PLEKHG1: variants seen among roughly 807,000 people sequenced by gnomAD.
The protein encoded by PLEKHG1 is pleckstrin homology domain-containing family G member 1.
PLEKHG1 carries 44 observed loss-of-function variants against 100.8 expected under a neutral mutation model. The ratio of observed to expected loss-of-function variants is 0.44; its 90% confidence interval spans 0.34 to 0.56. The LOEUF (loss-of-function observed/expected upper bound fraction) is 0.56, where lower values mean the gene tolerates loss of function less well. Ranked by LOEUF, PLEKHG1 falls within the 20% of genes least tolerant of loss-of-function variation. The pLI is 0.01. For missense variants in PLEKHG1, 1,545 were observed against 1,720.9 expected, an observed-to-expected ratio of 0.90 and a Z score of 1.81; for synonymous variants, 640 against 662.5, an observed-to-expected ratio of 0.97 and a Z score of 0.52.
intron 10 of PLEKHG1, among the ~76,000 whole-genome samples, chr6:150,814,551 T>C (rs1787742317): frequency 6.6e-6 from 1 of 152,258 alleles, no homozygotes; most frequent in Non-Finnish European, 1.5e-5. Context: ...GTAGTTCTTA[T>C]TCTTCCCATT....
chr6:150,676,859 A>G lies in PLEKHG1; in HGVS notation c.-99+26073A>G, dbSNP rs867690451. Among the ~76,000 whole-genome samples the G allele has an allele frequency of 5.9e-5, 9 of 152,238 alleles. No homozygotes were observed. The Middle Eastern group carries it at 0.014, about 230-fold the overall frequency. ...TCTTCTATGCATACCCTGGGAGTGA[A>G]TGGCAATGCCAGCCCCAAGGTGCCT... On this transcript the variant is annotated intron_variant, in intron 3 of 3. Coordinates refer to the PLEKHG1 transcript ENST00000367326.
chr6:150,684,011 G>A (rs1337851508), intron 3 of PLEKHG1: 1 of 349,382 alleles, frequency 2.9e-6, no homozygotes, highest in Non-Finnish European at 5.6e-6. Context: ...GCAGGTAGAT[G>A]TCCCTGGCCT....
chr6:150,787,310 C>G lies in PLEKHG1; in HGVS notation c.582+851C>G, dbSNP rs982313532. On this transcript the variant is annotated intron_variant, in intron 4 of 15. Coordinates refer to ENST00000358517, the Ensembl canonical transcript of PLEKHG1. ...AAATACAAGGAAAGGATTTGACTTT[C>G]AAAGCTTAAATGACAGTGAGCTCGT... is the stretch of plus-strand genomic sequence containing the variant. 1.1e-4 allele frequency among the ~76,000 whole-genome samples: 17 copies of G among 152,150 alleles called. 1 individual carries two copies. The highest frequency in any genetic ancestry group is 3.9e-4 in the Admixed American group (6 of 15,260).
At chr6:150,757,342 T>G (rs946988625) in intron 2 of PLEKHG1, among the ~76,000 whole-genome samples, 3 of 152,206 alleles carry the variant, frequency 2.0e-5, no homozygotes, top group African/African-American at 4.8e-5. Context: ...GTGTCCTTAT[T>G]TCAAAATTTC....
At chr6:150,803,983 C>T (rs1786860666) in intron 6 of PLEKHG1, among the ~76,000 whole-genome samples, 1 of 149,584 alleles carries the variant, frequency 6.7e-6, no homozygotes, top group Non-Finnish European at 1.5e-5. Flanking sequence ...TATAATATCG[C>T]TATGAAACTC....
At chr6:150,641,218 A>G (rs901985842) in intron 2 of PLEKHG1, among the ~76,000 whole-genome samples, 4 of 152,226 alleles carry the variant, frequency 2.6e-5, no homozygotes, top group African/African-American at 7.2e-5. Flanking sequence ...ATACATATCT[A>G]TATTCTAAAT....
At chr6:150,660,002 G>A (rs952754723) in intron 3 of PLEKHG1, among the ~76,000 whole-genome samples, 5 of 151,828 alleles carry the variant, frequency 3.3e-5, no homozygotes, top group Admixed American at 2.6e-4. Context: ...AAGCTAAGTT[G>A]GTTTCAGATA....
intron 4 of PLEKHG1, among the ~76,000 whole-genome samples, chr6:150,786,717 G>A (rs1785643819): frequency 6.6e-6 from 1 of 151,954 alleles, no homozygotes; most frequent in African/African-American, 2.4e-5. Context: ...TGGGAGGGGA[G>A]AGTCCGGAGT....
chr6:150,629,393 C>T (rs144096136), intron 1 of PLEKHG1, among the ~76,000 whole-genome samples: 1 of 152,230 alleles, frequency 6.6e-6, no homozygotes, highest in African/African-American at 2.4e-5. Context: ...ATTAAGATTT[C>T]CCTATAGCAA....
chr6:150,782,607 A>G (rs562756880), intron 3 of PLEKHG1, among the ~76,000 whole-genome samples: 226 of 152,270 alleles, frequency 1.5e-3, no homozygotes, highest in Non-Finnish European at 2.3e-3. Context: ...TTTTTTTCCT[A>G]TATACTTCAA....
intron 1 of PLEKHG1, among the ~76,000 whole-genome samples, chr6:150,730,593 C>T (rs1392189808): frequency 6.6e-6 from 1 of 152,098 alleles, no homozygotes; most frequent in East Asian, 1.9e-4. Flanking sequence ...ACCGGTACCG[C>T]ACCCCTGTTA....
intron 3 of PLEKHG1, among the ~76,000 whole-genome samples, chr6:150,672,842 C>A (rs1234859221): frequency 1.3e-5 from 2 of 152,196 alleles, no homozygotes; most frequent in Non-Finnish European, 2.9e-5. Context: ...TGCAGGTAGA[C>A]TGAAAGCATG....
At chr6:150,832,273 T>G (rs544027888) in intron 15 of PLEKHG1, 68 bp downstream of exon 16, 1 of 1,312,578 alleles carries the variant, frequency 7.6e-7, no homozygotes, top group East Asian at 2.3e-5. Flanking sequence ...ATTTCAGATG[T>G]CCTTAAAACG....
chr6:150,749,946 C>T (rs888927709), intron 2 of PLEKHG1, among the ~76,000 whole-genome samples: 1 of 151,920 alleles, frequency 6.6e-6, no homozygotes, highest in Non-Finnish European at 1.5e-5. Flanking sequence ...GTGGCAGGTA[C>T]CTGTAGTCCC....
At chr6:150,796,811 C>G (rs1317648870) in intron 5 of PLEKHG1, among the ~76,000 whole-genome samples, 3 of 152,130 alleles carry the variant, frequency 2.0e-5, no homozygotes, top group African/African-American at 2.4e-5. Context: ...GGGTGCATAG[C>G]TGATGAATGG....
intron 5 of PLEKHG1, among the ~76,000 whole-genome samples, chr6:150,799,540 T>C (rs1786564549): frequency 6.6e-6 from 1 of 152,168 alleles, no homozygotes; most frequent in African/African-American, 2.4e-5. Flanking sequence ...GTTCTTACCC[T>C]TGAGCAAGAA....
At chr6:150,701,856 G>A (rs1157541132) in intron 3 of PLEKHG1, among the ~76,000 whole-genome samples, 1 of 152,156 alleles carries the variant, frequency 6.6e-6, no homozygotes, top group African/African-American at 2.4e-5. Context: ...TAATATGAAT[G>A]GGTGTCTTTT....
At chr6:150,672,990 G>A (rs939996856) in intron 3 of PLEKHG1, among the ~76,000 whole-genome samples, 60 of 152,092 alleles carry the variant, frequency 3.9e-4, no homozygotes, top group African/African-American at 1.4e-3. Context: ...ACTGTGTTTG[G>A]CAGTCATGGT....
At position 150,831,823 on chromosome 6, in the gene PLEKHG1, GAGCAGGGCTGGCAGA is replaced by G; in HGVS notation, c.2713_2727del (p.Ser905_Arg909del). 3 of 1,612,340 alleles carry G rather than the reference GAGCAGGGCTGGCAGA, an allele frequency of 1.9e-6. No individual in the cohort carries two copies. Among genetic ancestry groups the G allele is most frequent in the Non-Finnish European group, 2.5e-6 (3 of 1,178,884 alleles). On this transcript the variant is annotated inframe_deletion, in exon 15 of 16. Coordinates refer to ENST00000358517, the Ensembl canonical transcript of PLEKHG1. The surrounding 1 kb of genome is among the most constrained non-coding windows in gnomAD (Gnocchi z 4.1). ...GCCAGGCTCTCCTCACGCCCGTGAA[GAGCAGGGCTGGCAGA>G]GCCAGCCGCGCCAACTGCCCCTTTG...
Sources: gnomAD v4.1 joint callset for allele counts (sites outside exome capture counted in the v4.1 genomes callset) on GRCh38, gnomAD v4.1.1 for gene constraint, Gnocchi (gnomAD v3.1) non-coding constraint, MANE v1.5 for transcripts, NCBI Gene and HGNC (gene_info 2026-07-23, HGNC 2026-07-21) for gene names.